Variants in HEATR1 observed in about 807,000 individuals in gnomAD.
HEATR1 encodes HEAT repeat-containing protein 1.
A neutral mutation model predicts 248.2 loss-of-function variants in HEATR1; 77 were observed. That is an observed-to-expected ratio of 0.31 (90% confidence interval 0.26 to 0.37). HEATR1 has a LOEUF of 0.37. Among genes scored for constraint, HEATR1 ranks in the 10% least tolerant of loss-of-function variants. The probability of loss-of-function intolerance (pLI) is 1.00; values close to 1 mark genes in which losing one functional copy is unlikely to be tolerated. For missense variants in HEATR1, 2,420 were observed against 2,504.9 expected (o/e 0.97, Z 0.72); for synonymous variants, 897 against 923.1 (o/e 0.97, Z 0.51).
At chr1:236,584,705 A>G (rs2853589) in intron 17 of HEATR1, among the ~76,000 whole-genome samples, 89,909 of 152,098 alleles carry the variant, frequency 0.59, 28,261 homozygotes, top group Non-Finnish European at 0.69. Flanking sequence ...GCACTAACAC[A>G]CCAAGTGAAT....
At chr1:236,577,637 C>T (rs918609023) in intron 20 of HEATR1, among the ~76,000 whole-genome samples, 29 of 152,000 alleles carry the variant, frequency 1.9e-4, no homozygotes, top group East Asian at 5.8e-4. Context: ...TACAGGCACG[C>T]GCCACCACAT....
chr1:236,586,645 T>C (rs985078307), intron 14 of HEATR1, among the ~76,000 whole-genome samples, 193 bp from the exon 15 acceptor site: 4 of 152,086 alleles, frequency 2.6e-5, no homozygotes, highest in African/African-American at 9.7e-5. Context: ...TATTTTTATT[T>C]ATTTATTTTT....
chr1:236,566,681 T>C lies in HEATR1; in HGVS notation c.4273A>G (p.Thr1425Ala), dbSNP rs752434671. The change falls in exon 30 of 45, where the codon ACA becomes GCA. Residue 1425 changes from threonine to alanine, a missense_variant. By Grantham distance (58) the Thr-to-Ala change is moderately conservative. Transcript: ENST00000366582. The part of the protein sequence containing the change: ...LLILLFEQYV[T>A]KTVLAAAYGE... ...TAGGCAGCCGCCAGCACTGTTTTTG[T>C]GACATACTGTTCAAAAAGCAAGATG... 1.9e-5 allele frequency: 30 copies of C among 1,613,994 alleles called. No individual in the cohort carries two copies. Among genetic ancestry groups the C allele is most frequent in the Non-Finnish European group, 2.5e-5 (29 of 1,180,022 alleles).
At chr1:236,577,021 C>G in intron 20 of HEATR1, 72 bp from the exon 21 acceptor site, 1 of 1,165,048 alleles carries the variant, frequency 8.6e-7, no homozygotes, top group Non-Finnish European at 1.2e-6. Context: ...TACATAGTAC[C>G]AAAGGTACTT....
chr1:236,583,543 G>A (rs947303862), intron 17 of HEATR1, among the ~76,000 whole-genome samples: 8 of 148,476 alleles, frequency 5.4e-5, no homozygotes, highest in African/African-American at 2.0e-4. Flanking sequence ...CTGGAGTGCA[G>A]CGGCACAATC....
At chr1:236,593,493 C>T (rs1038835119) in intron 9 of HEATR1, among the ~76,000 whole-genome samples, 13 of 149,072 alleles carry the variant, frequency 8.7e-5, no homozygotes, top group African/African-American at 3.2e-4. Context: ...CCAAAACTTA[C>T]TATAGCCCTG....
intron 11 of HEATR1, among the ~76,000 whole-genome samples, chr1:236,591,678 G>A (rs1262322306): frequency 6.6e-6 from 1 of 152,104 alleles, no homozygotes; most frequent in African/African-American, 2.4e-5. Context: ...CTAGATGAAA[G>A]ACAGAGAATG....
rs1307267480 is a variant in HEATR1, at chr1:236,574,703, A to C, written c.3285T>G (p.Leu1095=). ...TCTGAATGGTTGGCATTCCCGCGTA[A>C]AGTTCCTTTGTTGTGTGCACAGCTT... is the stretch of plus-strand genomic sequence containing the variant. ...FIKAVHTTKE[L]YAGMPTIQIT... Residue 1095 remains leucine (L), a synonymous_variant, in exon 23 of 45, where the codon CTT becomes CTG. Coordinates refer to ENST00000366582, the MANE Select transcript of HEATR1 (RefSeq NM_018072.6). 1 of 1,613,868 alleles carries C rather than the reference A, an allele frequency of 6.2e-7. No individual in the cohort carries two copies. Among genetic ancestry groups the C allele is most frequent in the Admixed American group, 1.7e-5 (1 of 60,012 alleles).
chr1:236,592,097 A>ATGC lies in HEATR1; in HGVS notation c.1317_1318insGCA (p.Thr439_Leu440insAla). Reference sequence around the variant, plus strand: ...AAGTGTTCCTCTAATACAACATCTAATGTTCTGGGGTATCTGGGAAGCAAT... The same window carrying ATGC: ...AAGTGTTCCTCTAATACAACATCTAATGCTGTTCTGGGGTATCTGGGAAGCAAT... On this transcript the variant is annotated inframe_insertion, in exon 11 of 45. Coordinates refer to ENST00000366582, the MANE Select transcript of HEATR1 (RefSeq NM_018072.6). 1 of 1,571,846 alleles carries ATGC rather than the reference A, an allele frequency of 6.4e-7. No homozygotes were observed. The highest frequency in any genetic ancestry group is 8.7e-7 in the Non-Finnish European group (1 of 1,145,532).
intron 18 of HEATR1, 38 bp downstream of exon 18, chr1:236,582,975 G>C (rs2794769): frequency 0.67 from 1,070,355 of 1,608,226 alleles, 362,843 homozygotes; most frequent in Non-Finnish European, 0.7. Context: ...CAGTTTTGCA[G>C]AGTATCACAT....
At chr1:236,570,967 C>T (rs529225640) in intron 28 of HEATR1, among the ~76,000 whole-genome samples, 1 of 152,304 alleles carries the variant, frequency 6.6e-6, no homozygotes, top group South Asian at 2.1e-4. Flanking sequence ...TCTGAAGTCA[C>T]TGGTTAAAGG....
chr1:236,561,928 G>A (rs1479519348), intron 32 of HEATR1, among the ~76,000 whole-genome samples: 1 of 151,998 alleles, frequency 6.6e-6, no homozygotes, highest in East Asian at 1.9e-4. Flanking sequence ...ATGTCCCTTT[G>A]ATCATCTTGG....
Position 236,572,826 on chromosome 1 carries a change from A to T in HEATR1, c.3462T>A (p.Ile1154=). 1 of 1,612,594 alleles carries T rather than the reference A, an allele frequency of 6.2e-7. No homozygotes were observed. Among genetic ancestry groups the T allele is most frequent in the Non-Finnish European group, 8.5e-7 (1 of 1,178,660 alleles). Residue 1154 remains isoleucine (I), a splice_region_variant and synonymous_variant, in exon 25 of 45, where the codon ATT becomes ATA. Coordinates refer to ENST00000366582, the MANE Select transcript of HEATR1 (RefSeq NM_018072.6). ...TTCGGACTTGTTCAGCATTAACGGAAATCTGAAATATTGAAGGAAGAAGAG... is the reference window on the plus strand; with the variant it reads ...TTCGGACTTGTTCAGCATTAACGGATATCTGAAATATTGAAGGAAGAAGAG... ...AQTVSSVFKG[I]SVNAEQVRIE... is the part of the protein sequence containing the mutation.
At position 236,549,233 on chromosome 1, in the gene HEATR1, TAC is replaced by T. The variant is rs1301465073; in HGVS notation, c.*1667_*1668del. 3.5e-5 allele frequency: 13 copies of T among 366,388 alleles called. No individual in the cohort carries two copies. The highest frequency in any genetic ancestry group is 5.8e-5 in the Non-Finnish European group (12 of 207,186). The allele number at this position is 366,388 out of a possible 1,614,324, so 22.7% of individuals were successfully genotyped here. A position where few individuals can be genotyped will look rare whatever the true frequency, so the allele number is the denominator to read the frequency against. On this transcript the variant is annotated 3_prime_UTR_variant, in exon 45 of 45. Transcript: ENST00000366582. ...CTGAGATCAAAGCACTCTTCCACTT[TAC>T]GTGATTAAAATCAAACCTGTATCAG...
chr1:236,553,929 A>C (rs1662861473), intron 42 of HEATR1, among the ~76,000 whole-genome samples, 190 bp from the exon 43 acceptor site: 1 of 152,196 alleles, frequency 6.6e-6, no homozygotes, highest in South Asian at 2.1e-4. Flanking sequence ...CATACCCTTT[A>C]TCATCGCCCC....
At chr1:236,558,910 C>A in intron 35 of HEATR1, 85 bp downstream of exon 35, 1 of 1,138,984 alleles carries the variant, frequency 8.8e-7, no homozygotes, top group Non-Finnish European at 1.2e-6. Context: ...TGAAATTGTA[C>A]CACTAGAGAA....
chr1:236,590,262 C>G (rs1236281836), intron 12 of HEATR1, among the ~76,000 whole-genome samples: 1 of 152,110 alleles, frequency 6.6e-6, no homozygotes, highest in Non-Finnish European at 1.5e-5. Flanking sequence ...GAGTCTTGCC[C>G]TGTCACCCAG....
chr1:236,563,803 T>A (rs1348044460), intron 32 of HEATR1, among the ~76,000 whole-genome samples: 8 of 152,188 alleles, frequency 5.3e-5, no homozygotes, highest in Non-Finnish European at 1.5e-5. Context: ...AAATCATACA[T>A]GCAGAACTCA....
chr1:236,571,256 A>G (rs768001795), intron 28 of HEATR1, 95 bp downstream of exon 28: 58 of 1,409,780 alleles, frequency 4.1e-5, no homozygotes, highest in Admixed American at 7.9e-5. Context: ...TCCAAAGCCT[A>G]ATTGATTAAA....
Sources: allele counts gnomAD v4.1 joint callset (sites outside exome capture counted in the v4.1 genomes callset), GRCh38; gene constraint gnomAD v4.1.1; transcripts MANE v1.5; gene names NCBI Gene and HGNC (gene_info 2026-07-23, HGNC 2026-07-21).